TPO: variants seen among roughly 807,000 people sequenced by gnomAD.
TPO encodes thyroid microsomal antigen.
A neutral mutation model predicts 96.9 loss-of-function variants in TPO; 78 were observed. The observed-to-expected ratio is 0.81, with a 90% CI of 0.67 to 0.97. The LOEUF (loss-of-function observed/expected upper bound fraction) is 0.97. TPO is among the 50% of genes least tolerant of loss of function. The pLI, the probability that TPO is intolerant of heterozygous loss-of-function variation, is 0.00. For synonymous variants in TPO, 547 were observed against 538.0 expected (o/e 1.02, Z -0.23); for missense variants, 1,252 against 1,274.8 (o/e 0.98, Z 0.27).
At chr2:1,536,979 T>TCCCCCACTGTGTGCAACCTCAAATC (rs1231772815) in intron 15 of TPO, among the ~76,000 whole-genome samples, 1 of 22,188 alleles carries the variant, frequency 4.5e-5, no homozygotes, top group Non-Finnish European at 7.7e-5. Flanking sequence ...CCCCCCAATC[T>TCCCCCACTGTGTGCAACCTCAAATC]CCCCCACTGT....
chr2:1,464,199 C>A (rs1668694249), intron 7 of TPO, among the ~76,000 whole-genome samples: 1 of 152,172 alleles, frequency 6.6e-6, no homozygotes, highest in Non-Finnish European at 1.5e-5. Flanking sequence ...TCTCCAATCT[C>A]AACCAGGTCT....
chr2:1,508,368 C>T (rs1304423273), intron 14 of TPO, among the ~76,000 whole-genome samples: 10 of 151,754 alleles, frequency 6.6e-5, no homozygotes, highest in South Asian at 4.2e-4. Context: ...TGTCTCTGCC[C>T]GGCTTTGGTA....
chr2:1,449,732 G>T (rs1287252049), intron 5 of TPO, among the ~76,000 whole-genome samples: 1 of 152,142 alleles, frequency 6.6e-6, no homozygotes, highest in Admixed American at 6.5e-5. Context: ...TTATGAAATC[G>T]CAGAACATAT....
intron 1 of TPO, among the ~76,000 whole-genome samples, chr2:1,402,887 G>A (rs775813145): frequency 9.2e-5 from 14 of 152,232 alleles, no homozygotes; most frequent in South Asian, 2.1e-4. Context: ...GAAACTGAGC[G>A]CCAGTTTGTT....
chr2:1,447,341 T>A (rs1666922478), intron 5 of TPO, among the ~76,000 whole-genome samples: 1 of 152,206 alleles, frequency 6.6e-6, no homozygotes, highest in Non-Finnish European at 1.5e-5. Context: ...TTTCAAAAAA[T>A]TGCCACTCAG....
chr2:1,533,230 G>A, intron 15 of TPO, among the ~76,000 whole-genome samples: 1 of 47,842 alleles, frequency 2.1e-5, no homozygotes, highest in Non-Finnish European at 3.3e-5. Context: ...CCCACTGTGA[G>A]CAACCTCCCC....
intron 6 of TPO, 152 bp downstream of exon 6, chr2:1,453,975 G>A: frequency 7.8e-7 from 1 of 1,278,568 alleles, no homozygotes; most frequent in South Asian, 1.3e-5. Context: ...AGCAATCACT[G>A]TTTCTGCCCT....
chr2:1,452,548 G>A (rs965944372), intron 5 of TPO, among the ~76,000 whole-genome samples: 1 of 152,226 alleles, frequency 6.6e-6, no homozygotes, highest in African/African-American at 2.4e-5. Context: ...GCAGATGGAA[G>A]GTGCCTAGAA....
At chr2:1,409,700 C>T (rs73911713), upstream of TPO, among the ~76,000 whole-genome samples, 3,248 of 152,116 alleles carry the variant, frequency 0.021, 119 homozygotes, top group African/African-American at 0.074. Context: ...AGCCCACGGC[C>T]GTCGGGGGTC....
At chr2:1,524,443 C>A (rs1675948729) in intron 15 of TPO, among the ~76,000 whole-genome samples, 1 of 122,566 alleles carries the variant, frequency 8.2e-6, no homozygotes, top group African/African-American at 3.1e-5. Flanking sequence ...CCCAAATCCC[C>A]CCACTGTGTG....
In TPO at chr2:1,438,295, C is replaced by A. The variant is rs1449904585; in HGVS notation, c.482+1911C>A. On this transcript the variant is annotated intron_variant, in intron 5 of 16. Transcript: ENST00000329066. ...ACATTGAATTCTGCATTCCTAAGCA[C>A]AATTATCTTAAGAATCAGCGAGTCA... Among the ~76,000 whole-genome samples, 4 of 152,050 alleles carry A rather than the reference C, an allele frequency of 2.6e-5. No individual in the cohort carries two copies. The East Asian group carries it at 7.7e-4, about 29-fold the overall frequency.
intron 2 of TPO, among the ~76,000 whole-genome samples, chr2:1,417,987 C>A (rs1663096708): frequency 6.6e-6 from 1 of 151,102 alleles, no homozygotes; most frequent in African/African-American, 2.4e-5. Flanking sequence ...CATCTGCAAT[C>A]CCAACACAGT....
At chr2:1,496,306 T>A in intron 12 of TPO, 109 bp downstream of exon 12, 2 of 1,091,252 alleles carry the variant, frequency 1.8e-6, no homozygotes, top group Non-Finnish European at 2.5e-6. Flanking sequence ...GAAAATAGTG[T>A]CAACGCCCTG....
Position 1,476,957 on chromosome 2 carries a change from C to A in TPO, c.820-129C>A, listed in dbSNP as rs1670004062. The A allele has an allele frequency of 9.9e-6, 12 of 1,214,872 alleles. No individual in the cohort carries two copies. The South Asian group carries it at 1.2e-4, about 12-fold the overall frequency. 75.3% of individuals were successfully genotyped at this position (1,214,872 alleles called of 1,614,324 possible). ...GAGGTGAGGGGACTGGCTGGACTGA[C>A]CCCTACAGAGGACTGGAGGGGCAGA... is the stretch of plus-strand genomic sequence containing the variant. On this transcript the variant is annotated intron_variant, in intron 7 of 16. Transcript: ENST00000329066.
rs561690555 is a variant in TPO, at chr2:1,398,734, G to A, written n.180+24332G>A. On this transcript the variant is annotated intron_variant and non_coding_transcript_variant, in intron 1 of 5. Coordinates refer to the TPO transcript ENST00000497517. ...GGTCTCTATCTCTGGCTTTGTGGGGGTGCCCTTCCCCCAAGGAATGGGGTG... is the reference window on the plus strand; with the variant it reads ...GGTCTCTATCTCTGGCTTTGTGGGGATGCCCTTCCCCCAAGGAATGGGGTG... 7.2e-5 allele frequency among the ~76,000 whole-genome samples: 11 copies of A among 152,312 alleles called. No individual in the cohort carries two copies. The South Asian group carries it at 2.3e-3, about 32-fold the overall frequency.
In TPO at chr2:1,470,819, CT is replaced by C. The variant is rs201242457; in HGVS notation, c.820-6265del. Among the ~76,000 whole-genome samples, 551 of 152,250 alleles carry C rather than the reference CT, an allele frequency of 3.6e-3. 8 individuals are homozygous for C. The highest frequency in any genetic ancestry group is 0.013 in the African/African-American group (529 of 41,538). ...TAATTTCCCAAGAATTTTAATGAGG[CT>C]TGTGGGTTCCAGCTTTACTCAATAC... On this transcript the variant is annotated intron_variant, in intron 7 of 16. Transcript: ENST00000329066.
chr2:1,413,231 T>G (rs537550565), upstream of TPO, among the ~76,000 whole-genome samples: 4 of 152,214 alleles, frequency 2.6e-5, no homozygotes, highest in African/African-American at 9.6e-5. Flanking sequence ...CCTGTATAAT[T>G]TTTCCCCTCT....
In TPO at chr2:1,434,679, T is replaced by C. The variant is rs148689665; in HGVS notation, c.349+1072T>C. Reference sequence around the variant, plus strand: ...TCACTGCCGGGTCTGTAGACATCGATGTTTAGGAGAATAGGCTGAGGTATT... The same window carrying C: ...TCACTGCCGGGTCTGTAGACATCGACGTTTAGGAGAATAGGCTGAGGTATT... On this transcript the variant is annotated intron_variant, in intron 4 of 16. Transcript: ENST00000329066. 5.9e-5 allele frequency among the ~76,000 whole-genome samples: 9 copies of C among 152,270 alleles called. 1 individual carries two copies. In the East Asian group the frequency reaches 1.5e-3, roughly 26 times the overall value.
intron 15 of TPO, among the ~76,000 whole-genome samples, chr2:1,532,395 AC>A: frequency 4.9e-5 from 1 of 20,476 alleles, no homozygotes; most frequent in East Asian, 1.8e-3. Flanking sequence ...CAAATCCCCC[AC>A]CACTGTGAGC....
Sources: gnomAD v4.1 joint callset for allele counts (sites outside exome capture counted in the v4.1 genomes callset) on GRCh38, gnomAD v4.1.1 for gene constraint, MANE v1.5 for transcripts, NCBI Gene and HGNC (gene_info 2026-07-23, HGNC 2026-07-21) for gene names.